CACNA2D3: variants seen among roughly 807,000 people sequenced by gnomAD.
The protein encoded by CACNA2D3 is calcium voltage-gated channel auxiliary subunit alpha2delta 3, also known as voltage-dependent calcium channel subunit alpha-2/delta-3.
Under a neutral mutation model 160.6 loss-of-function variants are expected in CACNA2D3, and 60 were observed. The ratio of observed to expected loss-of-function variants is 0.37; its 90% CI spans 0.30 to 0.46. CACNA2D3 has a LOEUF of 0.46. Ranked by LOEUF, CACNA2D3 falls within the 20% of genes least tolerant of loss-of-function variation. The pLI is 1.00. For synonymous variants in CACNA2D3, 558 were observed against 492.9 expected (o/e 1.13, Z -1.75); for missense variants, 1,205 against 1,365.0 (o/e 0.88, Z 1.85).
intron 4 of CACNA2D3, among the ~76,000 whole-genome samples, chr3:54,448,885 A>G (rs1275942232): frequency 6.6e-6 from 1 of 152,232 alleles, no homozygotes; most frequent in Non-Finnish European, 1.5e-5. Flanking sequence ...TCGTTTGTGC[A>G]GAGATAGGTT....
intron 13 of CACNA2D3, chr3:54,789,931 A>T: frequency 2.0e-6 from 1 of 489,964 alleles, no homozygotes; most frequent in Non-Finnish European, 4.2e-6. Flanking sequence ...TTTGAGATTC[A>T]CCCTCTGTGT....
At chr3:54,274,510 A>G (rs1336534136) in intron 2 of CACNA2D3, among the ~76,000 whole-genome samples, 1 of 152,202 alleles carries the variant, frequency 6.6e-6, no homozygotes, top group African/African-American at 2.4e-5. Context: ...GTTCGGGGTC[A>G]TTGTATTAGT....
chr3:54,543,640 A>G (rs759821633), intron 5 of CACNA2D3, among the ~76,000 whole-genome samples: 2 of 152,200 alleles, frequency 1.3e-5, no homozygotes, highest in Non-Finnish European at 2.9e-5. Flanking sequence ...GGCCAGTGTG[A>G]CAGCACAGCT....
chr3:54,489,299 G>A (rs1701069445), intron 4 of CACNA2D3, among the ~76,000 whole-genome samples: 1 of 152,200 alleles, frequency 6.6e-6, no homozygotes, highest in Non-Finnish European at 1.5e-5. Flanking sequence ...TGGGTGCTGA[G>A]GGATCAGATG....
chr3:54,908,205 C>T (rs1700486304), intron 27 of CACNA2D3, among the ~76,000 whole-genome samples: 1 of 152,160 alleles, frequency 6.6e-6, no homozygotes. Context: ...TTTCTACATC[C>T]TTTCTAATAC....
chr3:54,577,217 G>A (rs1372628554), intron 8 of CACNA2D3, among the ~76,000 whole-genome samples: 2 of 152,256 alleles, frequency 1.3e-5, no homozygotes, highest in South Asian at 2.1e-4. Flanking sequence ...AGGTGCTTAG[G>A]GTAATATTCA....
chr3:54,339,113 G>A lies in CACNA2D3; in HGVS notation c.321+18555G>A, dbSNP rs1704459527. ...TTTACAATGAAATCAGAATTCATTGGCAAGGCCATTGAATGGTCCTGGCCA... is the reference window on the plus strand; with the variant it reads ...TTTACAATGAAATCAGAATTCATTGACAAGGCCATTGAATGGTCCTGGCCA... On this transcript the variant is annotated intron_variant, in intron 3 of 37. Coordinates refer to ENST00000474759, the MANE Select transcript of CACNA2D3 (RefSeq NM_018398.3). 2.0e-5 allele frequency among the ~76,000 whole-genome samples: 3 copies of A among 152,100 alleles called. No homozygotes were observed. In the South Asian group the frequency reaches 6.2e-4, roughly 32 times the overall value.
At chr3:54,160,460 A>C (rs1700323915) in intron 2 of CACNA2D3, among the ~76,000 whole-genome samples, 1 of 152,200 alleles carries the variant, frequency 6.6e-6, no homozygotes, top group Non-Finnish European at 1.5e-5. Context: ...AGATTGCGCC[A>C]CTGTACTCCA....
At chr3:54,423,882 T>C (rs768718589) in intron 4 of CACNA2D3, among the ~76,000 whole-genome samples, 28 of 149,686 alleles carry the variant, frequency 1.9e-4, no homozygotes, top group Non-Finnish European at 3.8e-4. Context: ...TGTTGCCATC[T>C]TGAAATTCTT....
intron 35 of CACNA2D3, among the ~76,000 whole-genome samples, chr3:55,038,541 C>T (rs9812365): frequency 0.19 from 28,486 of 151,864 alleles, 2,959 homozygotes; most frequent in African/African-American, 0.26. Flanking sequence ...ATGTGGTATA[C>T]GCACATATTA....
chr3:54,323,741 C>T (rs112375002), intron 3 of CACNA2D3, among the ~76,000 whole-genome samples: 13,185 of 152,230 alleles, frequency 0.087, 635 homozygotes, highest in Middle Eastern at 0.14. Flanking sequence ...GCTGGGATTA[C>T]AGGCGTGAGC....
At chr3:54,797,597 T>A (rs996430597) in intron 13 of CACNA2D3, among the ~76,000 whole-genome samples, 1 of 152,206 alleles carries the variant, frequency 6.6e-6, no homozygotes, top group East Asian at 1.9e-4. Flanking sequence ...CATTTCACTT[T>A]TGCAAGTTCT....
At chr3:54,448,302 A>G (rs1216749318) in intron 4 of CACNA2D3, among the ~76,000 whole-genome samples, 1 of 152,216 alleles carries the variant, frequency 6.6e-6, no homozygotes, top group African/African-American at 2.4e-5. Flanking sequence ...CTCAGAGCTA[A>G]TGGGAGTAAG....
intron 35 of CACNA2D3, among the ~76,000 whole-genome samples, chr3:55,033,796 T>TTA (rs1553635386): frequency 1.6e-5 from 2 of 125,690 alleles, no homozygotes; most frequent in Non-Finnish European, 3.1e-5. Flanking sequence ...TAAATATATT[T>TTA]TATATAATAT....
chr3:54,809,356 G>C (rs1199150051), intron 13 of CACNA2D3, among the ~76,000 whole-genome samples: 3 of 95,662 alleles, frequency 3.1e-5, no homozygotes, highest in Admixed American at 1.2e-4. Context: ...CTGTCGCCCA[G>C]GTCGGACTGC....
At chr3:54,669,938 T>C (rs1700128622) in intron 11 of CACNA2D3, among the ~76,000 whole-genome samples, 1 of 152,014 alleles carries the variant, frequency 6.6e-6, no homozygotes, top group African/African-American at 2.4e-5. Context: ...CATGAGCCAC[T>C]GCACCCATCC....
At chr3:54,178,516 A>G (rs912771834) in intron 2 of CACNA2D3, among the ~76,000 whole-genome samples, 3 of 152,240 alleles carry the variant, frequency 2.0e-5, no homozygotes, top group African/African-American at 7.2e-5. Flanking sequence ...TTTAGTAAGC[A>G]GACACACGAA....
intron 35 of CACNA2D3, among the ~76,000 whole-genome samples, chr3:55,021,715 G>A (rs371396275): frequency 7.1e-5 from 10 of 141,414 alleles, no homozygotes; most frequent in African/African-American, 1.1e-4. Context: ...ATATGTGTGT[G>A]TATATATATA....
At chr3:54,879,811 T>A (rs1044981948) in intron 20 of CACNA2D3, among the ~76,000 whole-genome samples, 7 of 152,360 alleles carry the variant, frequency 4.6e-5, no homozygotes, top group African/African-American at 1.7e-4. Context: ...TATCCATTCC[T>A]ACATGTTGTG....
Sources: allele counts gnomAD v4.1 joint callset (sites outside exome capture counted in the v4.1 genomes callset), GRCh38; gene constraint gnomAD v4.1.1; transcripts MANE v1.5; gene names NCBI Gene and HGNC (gene_info 2026-07-23, HGNC 2026-07-21).